GRIA4: variants seen among roughly 807,000 people sequenced by gnomAD.
GRIA4 encodes glutamate ionotropic receptor AMPA type subunit 4.
Under a neutral mutation model 104.0 loss-of-function variants are expected in GRIA4, and 34 were observed. That is an observed-to-expected ratio of 0.33 (90% CI 0.25 to 0.44). The LOEUF (loss-of-function observed/expected upper bound fraction) is 0.44, where lower values mean the gene tolerates loss of function less well. Ranked by LOEUF, GRIA4 falls within the 20% of genes least tolerant of loss-of-function variation. The pLI is 1.00. For missense variants in GRIA4, 750 were observed against 1,096.5 expected, an observed-to-expected ratio of 0.68 and a Z score of 4.46; for synonymous variants, 386 against 381.9, an observed-to-expected ratio of 1.01 and a Z score of -0.13.
At chr11:105,838,797 G>C (rs1944284510) in intron 4 of GRIA4, among the ~76,000 whole-genome samples, 1 of 152,128 alleles carries the variant, frequency 6.6e-6, no homozygotes, top group African/African-American at 2.4e-5. Flanking sequence ...AGGCAGGATT[G>C]CTACCTCGCA....
chr11:105,925,004 T>C (rs1424250538), intron 12 of GRIA4, among the ~76,000 whole-genome samples: 1 of 152,068 alleles, frequency 6.6e-6, no homozygotes, highest in East Asian at 1.9e-4. Flanking sequence ...CTCTCAAAAA[T>C]CATTTAGTAT....
intron 14 of GRIA4, among the ~76,000 whole-genome samples, chr11:105,969,172 C>T (rs1858550929): frequency 6.6e-6 from 1 of 152,094 alleles, no homozygotes. Context: ...CCATTTCTGA[C>T]TTTGATAGAT....
At chr11:105,769,911 T>C (rs1355045582) in intron 4 of GRIA4, among the ~76,000 whole-genome samples, 1 of 152,082 alleles carries the variant, frequency 6.6e-6, no homozygotes, top group Non-Finnish European at 1.5e-5. Flanking sequence ...AGAGATATTT[T>C]TCCCCTAATT....
In GRIA4 at chr11:105,668,675, G is replaced by GTTTT. The variant is rs368844903; in HGVS notation, c.247+56242_247+56243insTTTT. ...TCCTTGACAACACTTATTATCTTTT[G>GTTTT]TCTTTTTTTTTTTTTTTGAGATAGA... On this transcript the variant is annotated intron_variant, in intron 3 of 16. Coordinates refer to ENST00000282499, the MANE Select transcript of GRIA4 (RefSeq NM_000829.4). 2.6e-3 allele frequency among the ~76,000 whole-genome samples: 319 copies of GTTTT among 121,306 alleles called. 24 individuals carry two copies. The highest frequency in any genetic ancestry group is 9.8e-3 in the Middle Eastern group (2 of 204). The allele number at this position is 121,306 out of a possible 152,430, so 79.6% of individuals were successfully genotyped here.
intron 3 of GRIA4, among the ~76,000 whole-genome samples, chr11:105,739,417 T>C (rs1024900428): frequency 6.6e-6 from 1 of 152,188 alleles, no homozygotes; most frequent in Non-Finnish European, 1.5e-5. Context: ...TTGTGATCTT[T>C]GATGGTGCTG....
chr11:105,860,958 A>G (rs1199355921), intron 4 of GRIA4, among the ~76,000 whole-genome samples: 99 of 41,856 alleles, frequency 2.4e-3, no homozygotes, highest in Non-Finnish European at 3.1e-3. Context: ...GACTGTCTGA[A>G]AAAAAAAAAA....
intron 4 of GRIA4, among the ~76,000 whole-genome samples, chr11:105,760,207 C>T (rs1156252454): frequency 6.6e-6 from 1 of 152,126 alleles, no homozygotes; most frequent in Non-Finnish European, 1.5e-5. Context: ...ACACATGCTA[C>T]TAATACAGGA....
chr11:105,883,722 T>C (rs1400734984), intron 5 of GRIA4, among the ~76,000 whole-genome samples: 2 of 152,188 alleles, frequency 1.3e-5, no homozygotes, highest in East Asian at 1.9e-4. Flanking sequence ...TTGTGAATAG[T>C]GCTGCAATAA....
At chr11:105,956,293 G>A (rs541640) in intron 14 of GRIA4, among the ~76,000 whole-genome samples, 97,159 of 151,526 alleles carry the variant, frequency 0.64, 31,178 homozygotes, top group Middle Eastern at 0.71. Flanking sequence ...AGTTTGTGAT[G>A]TTCCCTACAC....
At chr11:105,649,221 ATATAT>A (rs1352589207) in intron 3 of GRIA4, among the ~76,000 whole-genome samples, 3 of 152,190 alleles carry the variant, frequency 2.0e-5, no homozygotes, top group Non-Finnish European at 2.9e-5. Flanking sequence ...ATTAGTAGTA[ATATAT>A]TATAATAGAT....
At chr11:105,655,756 A>T (rs1344753722) in intron 3 of GRIA4, among the ~76,000 whole-genome samples, 2 of 152,130 alleles carry the variant, frequency 1.3e-5, no homozygotes, top group Non-Finnish European at 2.9e-5. Flanking sequence ...GGTTGGTTCC[A>T]AGTCTTTGCT....
chr11:105,766,358 A>G (rs750536875), intron 4 of GRIA4, among the ~76,000 whole-genome samples: 4 of 152,256 alleles, frequency 2.6e-5, no homozygotes, highest in South Asian at 2.1e-4. Context: ...ATTTTCTACT[A>G]TTTATCTATG....
intron 5 of GRIA4, among the ~76,000 whole-genome samples, chr11:105,884,451 T>TC (rs1946179870): frequency 6.6e-6 from 1 of 152,228 alleles, no homozygotes; most frequent in Non-Finnish European, 1.5e-5. Flanking sequence ...AACAACACCC[T>TC]ATTTACAGGA....
At chr11:105,691,080 T>G (rs1399202978) in intron 3 of GRIA4, among the ~76,000 whole-genome samples, 3 of 152,266 alleles carry the variant, frequency 2.0e-5, no homozygotes, top group Middle Eastern at 3.4e-3. Context: ...TGTGTGGGCT[T>G]GTGTGCGTGC....
chr11:105,779,031 C>T (rs1185508852), intron 4 of GRIA4, among the ~76,000 whole-genome samples: 2 of 142,864 alleles, frequency 1.4e-5, no homozygotes, highest in Non-Finnish European at 3.0e-5. Flanking sequence ...TGAGAACATG[C>T]GGTGTTTGGT....
At chr11:105,769,236 A>C (rs1049325628) in intron 4 of GRIA4, among the ~76,000 whole-genome samples, 1 of 152,086 alleles carries the variant, frequency 6.6e-6, no homozygotes, top group African/African-American at 2.4e-5. Flanking sequence ...AGATAACCAT[A>C]CAGCAATGTA....
chr11:105,683,878 A>G lies in GRIA4; in HGVS notation c.248-69103A>G, dbSNP rs962789659. 1.9e-4 allele frequency among the ~76,000 whole-genome samples: 29 copies of G among 152,082 alleles called. 1 individual carries two copies. The highest frequency in any genetic ancestry group is 6.8e-4 in the African/African-American group (28 of 41,430). On this transcript the variant is annotated intron_variant, in intron 3 of 16. Transcript: ENST00000282499. ...CAGAAGAAATAGAAAAAATAGAAATAAATGCTTTTTTTTTTGAGATGGAGT... is the reference window on the plus strand; with the variant it reads ...CAGAAGAAATAGAAAAAATAGAAATGAATGCTTTTTTTTTTGAGATGGAGT...
intron 10 of GRIA4, among the ~76,000 whole-genome samples, chr11:105,911,493 T>C (rs568510943): frequency 1.3e-5 from 2 of 151,880 alleles, no homozygotes; most frequent in East Asian, 3.9e-4. Context: ...GGAAGTATTT[T>C]ATGTAATTTA....
At chr11:105,851,855 A>G (rs1944822165) in intron 4 of GRIA4, among the ~76,000 whole-genome samples, 1 of 152,090 alleles carries the variant, frequency 6.6e-6, no homozygotes, top group African/African-American at 2.4e-5. Flanking sequence ...TTGTCCTTCT[A>G]TTATAAATGT....
Sources: allele counts gnomAD v4.1 joint callset (sites outside exome capture counted in the v4.1 genomes callset), GRCh38; gene constraint gnomAD v4.1.1; transcripts MANE v1.5; gene names NCBI Gene and HGNC (gene_info 2026-07-23, HGNC 2026-07-21).